The following CEP128 variants were observed in gnomAD, a reference collection of about 807,000 sequenced individuals.
CEP128 encodes the protein centrosomal protein 128kDa.
Under a neutral mutation model 156.7 loss-of-function variants are expected in CEP128, and 132 were observed. The observed-to-expected ratio is 0.84, with a 90% CI of 0.73 to 0.97. CEP128 has a LOEUF of 0.97. Ranked by LOEUF, CEP128 falls within the 50% of genes least tolerant of loss-of-function variation. The pLI, the probability that CEP128 is intolerant of heterozygous loss-of-function variation, is 0.00. For missense variants in CEP128, 1,252 were observed against 1,281.9 expected (o/e 0.98, Z 0.36); for synonymous variants, 469 against 448.9 (o/e 1.04, Z -0.57).
chr14:80,830,215 T>A lies in CEP128; in HGVS notation c.1209+928A>T, dbSNP rs375823305. 29 of 654,318 alleles carry A rather than the reference T, an allele frequency of 4.4e-5. 1 individual carries two copies. The highest frequency in any genetic ancestry group is 4.3e-4 in the East Asian group (16 of 37,334). 40.5% of individuals were successfully genotyped at this position (654,318 alleles called of 1,614,324 possible). A position where few individuals can be genotyped will look rare whatever the true frequency, so the allele number is the denominator to read the frequency against. On this transcript the variant is annotated intron_variant, in intron 13 of 24. Transcript: ENST00000555265. ...CATGTAGAGGGCTTTGTAAAGAGTA[T>A]GTCAATATTTCATTATCTTTACAAT...
In CEP128 at chr14:80,616,992, T is replaced by C. The variant is rs117088300; in HGVS notation, c.2807-36569A>G. 9.5e-4 allele frequency among the ~76,000 whole-genome samples: 145 copies of C among 152,278 alleles called. 1 individual carries two copies. The highest frequency in any genetic ancestry group is 1.8e-3 in the Non-Finnish European group (122 of 68,018). On this transcript the variant is annotated intron_variant, in intron 19 of 24. Transcript: ENST00000555265. Reference sequence around the variant, plus strand: ...CAATGATTCTTTCTGTTACATCATATGGTCCCAGTGGAAATCACTCAGTCC... The same window carrying C: ...CAATGATTCTTTCTGTTACATCATACGGTCCCAGTGGAAATCACTCAGTCC...
chr14:80,775,430 A>G (rs1292956779), intron 16 of CEP128, among the ~76,000 whole-genome samples: 6 of 152,226 alleles, frequency 3.9e-5, no homozygotes, highest in Non-Finnish European at 7.3e-5. Context: ...TGAAAACTAA[A>G]TATTAAAGAT....
chr14:80,857,625 C>T (rs543244974), intron 9 of CEP128, among the ~76,000 whole-genome samples: 2 of 151,666 alleles, frequency 1.3e-5, no homozygotes, highest in African/African-American at 4.8e-5. Context: ...CCTGTAGTCC[C>T]AGCTACAAGG....
rs1186988863 is a variant in CEP128, at chr14:80,836,198, C to G, written c.1057+7G>C. 6.2e-7 allele frequency: 1 copy of G among 1,613,636 alleles called. No individual in the cohort carries two copies. ...TATCACATTATTAGGTACAAATCTA[C>G]TTTTACCTCTCCTAAATCTCCAGTC... On this transcript the variant is annotated splice_region_variant and intron_variant, in intron 12 of 24. Transcript: ENST00000555265.
intron 19 of CEP128, among the ~76,000 whole-genome samples, chr14:80,670,135 T>A (rs945486758): frequency 3.4e-4 from 51 of 152,022 alleles, no homozygotes; most frequent in African/African-American, 1.2e-3. Flanking sequence ...TCATGAGAAA[T>A]CCACCCCCAT....
intron 2 of CEP128, among the ~76,000 whole-genome samples, chr14:80,925,935 G>A (rs1297629018): frequency 6.6e-6 from 1 of 152,118 alleles, no homozygotes; most frequent in African/African-American, 2.4e-5. Flanking sequence ...TGAGCAGTGA[G>A]GTTTTATGAA....
At chr14:80,903,637 T>C (rs1314763912) in intron 6 of CEP128, among the ~76,000 whole-genome samples, 6 of 147,144 alleles carry the variant, frequency 4.1e-5, no homozygotes, top group Admixed American at 2.7e-4. Flanking sequence ...TATAAAGAAC[T>C]CAAACAACTC....
At chr14:80,563,926 C>G (rs188812965) in intron 20 of CEP128, among the ~76,000 whole-genome samples, 1 of 152,172 alleles carries the variant, frequency 6.6e-6, no homozygotes, top group Non-Finnish European at 1.5e-5. Flanking sequence ...GTATTTATTT[C>G]CTCTTTATGA....
intron 8 of CEP128, among the ~76,000 whole-genome samples, chr14:80,873,376 A>T (rs559806384): frequency 6.6e-6 from 1 of 152,228 alleles, no homozygotes; most frequent in African/African-American, 2.4e-5. Context: ...AAAACTGTAG[A>T]CTATATATAG....
intron 19 of CEP128, among the ~76,000 whole-genome samples, chr14:80,684,145 G>A (rs1054127720): frequency 5.9e-5 from 9 of 151,906 alleles, no homozygotes; most frequent in Admixed American, 5.2e-4. Context: ...AAGAACCAAC[G>A]GAATGAAAAG....
rs1168940317 is a variant in CEP128, at chr14:80,840,716, T to C, written c.815A>G (p.Asn272Ser). The C allele has an allele frequency of 6.2e-7, 1 of 1,610,590 alleles. No homozygotes were observed. The highest frequency in any genetic ancestry group is 8.5e-7 in the Non-Finnish European group (1 of 1,177,566). Reference sequence around the variant, plus strand: ...CTCAGTTTCAGTTTGTCTTAGCTTATTTTTTATTGCCCCCTCATGCTCATC... The same window carrying C: ...CTCAGTTTCAGTTTGTCTTAGCTTACTTTTTATTGCCCCCTCATGCTCATC... Reference protein sequence around the residue: ...KADEHEGAIKNKLRQTETEKN... With the variant: ...KADEHEGAIKSKLRQTETEKN... The change falls in exon 10 of 25, where the codon AAT (asparagine) becomes AGT (serine). Residue 272 changes from asparagine to serine, a missense_variant. Physicochemically the swap from Asn to Ser is conservative, Grantham distance 46. Transcript: ENST00000555265.
Position 80,822,891 on chromosome 14 carries a change from CT to C in CEP128, c.1209+8251del, listed in dbSNP as rs1040753456. ...AGTTTTATAAAACTGCATAATTTTA[CT>C]TTTTTTTAAGCTATGTTGTTAGCAC... On this transcript the variant is annotated intron_variant, in intron 13 of 24. Coordinates refer to ENST00000555265, the MANE Select transcript of CEP128 (RefSeq NM_152446.5). 4.9e-5 allele frequency: 29 copies of C among 588,498 alleles called. 1 individual carries two copies. Among genetic ancestry groups the C allele is most frequent in the East Asian group, 1.0e-4 (3 of 30,076 alleles). 36.5% of individuals were successfully genotyped at this position (588,498 alleles called of 1,614,324 possible).
intron 19 of CEP128, among the ~76,000 whole-genome samples, chr14:80,618,217 C>A (rs1566814313): frequency 6.6e-6 from 1 of 152,150 alleles, no homozygotes; most frequent in African/African-American, 2.4e-5. Context: ...TATTCCATAT[C>A]ATTTTTTGAA....
intron 19 of CEP128, among the ~76,000 whole-genome samples, chr14:80,698,862 T>G (rs1301433481): frequency 1.3e-5 from 2 of 152,312 alleles, no homozygotes; most frequent in East Asian, 1.9e-4. Context: ...AAAATAAAAT[T>G]TTATTCAAAC....
At chr14:80,684,755 G>A (rs2139272659) in intron 19 of CEP128, among the ~76,000 whole-genome samples, 1 of 142,302 alleles carries the variant, frequency 7.0e-6, no homozygotes, top group Non-Finnish European at 1.5e-5. Context: ...AACTCACCAA[G>A]AAAAAGAAAG....
chr14:80,503,238 C>A (rs899600365), intron 24 of CEP128, among the ~76,000 whole-genome samples: 2 of 151,952 alleles, frequency 1.3e-5, no homozygotes, highest in African/African-American at 2.4e-5. Context: ...TAAATGTTTT[C>A]TTTTTCAAAT....
chr14:80,743,072 C>G lies in CEP128; in HGVS notation c.2806+3G>C. 1 of 1,612,380 alleles carries G rather than the reference C, an allele frequency of 6.2e-7. No homozygotes were observed. On this transcript the variant is annotated splice_donor_region_variant and intron_variant, in intron 19 of 24. Transcript: ENST00000555265. ...GAAAAATGAAAGAACAACTAACACA[C>G]ACCTCTCTTCTCACGATGTATTTCA...
intron 20 of CEP128, among the ~76,000 whole-genome samples, chr14:80,571,673 G>A (rs1006060526): frequency 1.3e-5 from 2 of 151,900 alleles, no homozygotes; most frequent in African/African-American, 2.4e-5. Context: ...TTATGGAAAC[G>A]TTCTAATGTT....
In CEP128 at chr14:80,948,056, A is replaced by G. The variant is rs566528530; in HGVS notation, c.-171-8516T>C. Among the ~76,000 whole-genome samples, 10 of 145,658 alleles carry G rather than the reference A, an allele frequency of 6.9e-5. No homozygotes were observed. The South Asian group carries it at 2.2e-3, about 32-fold the overall frequency. ...AGTCATAAGACAGAAGACACCAAGTATGATGTTATAGGTAAGTAAAAGGGA... is the reference window on the plus strand; with the variant it reads ...AGTCATAAGACAGAAGACACCAAGTGTGATGTTATAGGTAAGTAAAAGGGA... On this transcript the variant is annotated intron_variant, in intron 2 of 7. Transcript: ENST00000555529.
Sources: allele counts gnomAD v4.1 joint callset (sites outside exome capture counted in the v4.1 genomes callset), GRCh38; gene constraint gnomAD v4.1.1; transcripts MANE v1.5; gene names NCBI Gene and HGNC (gene_info 2026-07-23, HGNC 2026-07-21).